Variants in RIN2 observed in about 807,000 individuals in gnomAD.
RIN2 encodes RAB5 interacting protein 2.
A neutral mutation model predicts 78.0 loss-of-function variants in RIN2; 36 were observed. The observed-to-expected ratio is 0.46, with a 90% CI of 0.35 to 0.61. The LOEUF is 0.61. Ranked by LOEUF, RIN2 falls within the 20% of genes least tolerant of loss-of-function variation. The probability of loss-of-function intolerance (pLI) is 0.00; values close to 1 mark genes in which losing one functional copy is unlikely to be tolerated. For synonymous variants in RIN2, 466 were observed against 466.8 expected (o/e 1.00, Z 0.02); for missense variants, 1,087 against 1,159.7 (o/e 0.94, Z 0.91).
intron 6 of RIN2, among the ~76,000 whole-genome samples, chr20:19,961,578 C>T (rs891258692): frequency 1.3e-5 from 2 of 151,998 alleles, no homozygotes; most frequent in East Asian, 1.9e-4. Flanking sequence ...ACTTGCTTCC[C>T]GATTTCCCAG....
At chr20:19,855,970 A>C (rs1014272373) in intron 2 of RIN2, among the ~76,000 whole-genome samples, 1 of 152,268 alleles carries the variant, frequency 6.6e-6, no homozygotes, top group East Asian at 1.9e-4. Context: ...GCTACTCGGG[A>C]GGCTGAGGCA....
At chr20:19,854,914 T>C (rs1568819229) in intron 2 of RIN2, among the ~76,000 whole-genome samples, 1 of 152,236 alleles carries the variant, frequency 6.6e-6, no homozygotes, top group Non-Finnish European at 1.5e-5. Context: ...CTTCCAAGGC[T>C]ATGTTGAATA....
chr20:19,897,258 C>G (rs1438315980), intron 3 of RIN2, among the ~76,000 whole-genome samples: 1 of 152,052 alleles, frequency 6.6e-6, no homozygotes, highest in East Asian at 1.9e-4. Flanking sequence ...GATGAACCGC[C>G]ACCATGCCCA....
intron 2 of RIN2, chr20:19,889,326 G>A: frequency 8.2e-7 from 1 of 1,222,650 alleles, no homozygotes; most frequent in Non-Finnish European, 1.0e-6. Context: ...AAGTCCCAAG[G>A]ACCTTCTACG....
chr20:19,899,430 A>G (rs1029891440), intron 3 of RIN2, among the ~76,000 whole-genome samples: 4 of 152,258 alleles, frequency 2.6e-5, no homozygotes, highest in African/African-American at 9.6e-5. Context: ...TTTCCACAAC[A>G]TAATCTGAAG....
At chr20:19,924,460 C>T (rs368620409) in intron 3 of RIN2, among the ~76,000 whole-genome samples, 208 of 107,056 alleles carry the variant, frequency 1.9e-3, no homozygotes, top group Middle Eastern at 4.9e-3. Context: ...ACCTTCATAC[C>T]CTCACCTTCA....
intron 4 of RIN2, among the ~76,000 whole-genome samples, chr20:19,940,478 G>C (rs1471580394): frequency 6.6e-6 from 1 of 152,188 alleles, no homozygotes; most frequent in Non-Finnish European, 1.5e-5. Context: ...GTGCCTCCCT[G>C]ACCAGTTCTA....
chr20:19,935,095 A>G lies in RIN2; in HGVS notation c.58-4A>G, dbSNP rs553603150. ...GACGTCATACTATTTTTGTCTTTGA[A>G]TAGCTCATTGACACAATTGCCTCGG... is the stretch of plus-strand genomic sequence containing the variant. On this transcript the variant is annotated splice_region_variant and splice_polypyrimidine_tract_variant and intron_variant, in intron 3 of 12. Transcript: ENST00000255006. 6 of 1,585,504 alleles carry G rather than the reference A, an allele frequency of 3.8e-6. No individual in the cohort carries two copies. In the South Asian group the frequency reaches 6.9e-5, roughly 18 times the overall value.
At chr20:19,966,349 T>A (rs1041413053) in intron 7 of RIN2, among the ~76,000 whole-genome samples, 1 of 145,822 alleles carries the variant, frequency 6.9e-6, no homozygotes, top group Non-Finnish European at 1.5e-5. Flanking sequence ...TGAGATGGAG[T>A]TTCACTTTTG....
chr20:19,866,423 A>G (rs1194805523), intron 2 of RIN2, among the ~76,000 whole-genome samples: 1 of 152,200 alleles, frequency 6.6e-6, no homozygotes, highest in Non-Finnish European at 1.5e-5. Context: ...TCTGAAAAGA[A>G]AAAGGATATA....
chr20:19,843,072 G>A lies in RIN2; in HGVS notation c.-37+43325G>A, dbSNP rs188451773. On this transcript the variant is annotated intron_variant, in intron 2 of 12. Transcript: ENST00000255006. ...ATTAGAAATGGAACCTGAAGATGTC[G>A]TTGAATTACTGCAATCCCATGATAA... is the stretch of plus-strand genomic sequence containing the variant. 1.2e-4 allele frequency among the ~76,000 whole-genome samples: 18 copies of A among 152,278 alleles called. No individual in the cohort carries two copies. In the East Asian group the frequency reaches 1.5e-3, roughly 13 times the overall value.
At chr20:19,884,997 T>C (rs987364755) in intron 2 of RIN2, among the ~76,000 whole-genome samples, 1 of 152,194 alleles carries the variant, frequency 6.6e-6, no homozygotes, top group Non-Finnish European at 1.5e-5. Context: ...TTACTGAGAC[T>C]GAAGTCCGTG....
chr20:19,873,819 C>T (rs750182659), intron 2 of RIN2, among the ~76,000 whole-genome samples: 5 of 152,148 alleles, frequency 3.3e-5, no homozygotes, highest in Non-Finnish European at 5.9e-5. Context: ...AGTTGATCCT[C>T]ATTATTTGTG....
chr20:19,954,419 A>G (rs2041449968), intron 4 of RIN2, among the ~76,000 whole-genome samples: 1 of 152,152 alleles, frequency 6.6e-6, no homozygotes, highest in South Asian at 2.1e-4. Flanking sequence ...ATAGGGCTTG[A>G]TGACCTGCTC....
intron 6 of RIN2, among the ~76,000 whole-genome samples, chr20:19,963,855 CTTTTTT>C (rs869033357): frequency 2.3e-5 from 2 of 86,622 alleles, no homozygotes; most frequent in African/African-American, 5.0e-5. Context: ...CAGTATGTGT[CTTTTTT>C]TTTTTTTTTT....
intron 9 of RIN2, among the ~76,000 whole-genome samples, chr20:19,985,119 G>C (rs139189914): frequency 8.1e-4 from 123 of 152,286 alleles, no homozygotes; most frequent in African/African-American, 2.9e-3. Flanking sequence ...CTGCCTTCTG[G>C]CCAGCAGTGG....
chr20:19,932,957 C>A (rs1438664473), intron 3 of RIN2, among the ~76,000 whole-genome samples: 1 of 152,156 alleles, frequency 6.6e-6, no homozygotes, highest in Non-Finnish European at 1.5e-5. Context: ...CGGAGCCATC[C>A]TTGATTATTC....
At chr20:19,922,719 A>C (rs1036823317) in intron 3 of RIN2, among the ~76,000 whole-genome samples, 1 of 152,150 alleles carries the variant, frequency 6.6e-6, no homozygotes, top group Admixed American at 6.5e-5. Flanking sequence ...GAAAGTGCCC[A>C]TGGGGACCAT....
chr20:19,866,616 G>T (rs2037515263), intron 2 of RIN2, among the ~76,000 whole-genome samples: 1 of 151,842 alleles, frequency 6.6e-6, no homozygotes, highest in Non-Finnish European at 1.5e-5. Context: ...ATTAATTTTG[G>T]ATATTTTATT....
Sources: gnomAD v4.1 joint callset for allele counts (sites outside exome capture counted in the v4.1 genomes callset) on GRCh38, gnomAD v4.1.1 for gene constraint, MANE v1.5 for transcripts, NCBI Gene and HGNC (gene_info 2026-07-23, HGNC 2026-07-21) for gene names.